PKHD1: variants seen among roughly 807,000 people sequenced by gnomAD.
PKHD1 encodes the protein fibrocystin.
Under a neutral mutation model 412.0 loss-of-function variants are expected in PKHD1, and 291 were observed. The observed-to-expected ratio is 0.71, with a 90% confidence interval of 0.64 to 0.78. The LOEUF (loss-of-function observed/expected upper bound fraction) is 0.78, where lower values mean the gene tolerates loss of function less well. Among genes scored for constraint, PKHD1 ranks in the 30% least tolerant of loss-of-function variants. The pLI is 0.00. For missense variants in PKHD1, 4,825 were observed against 4,950.7 expected, an observed-to-expected ratio of 0.97 and a Z score of 0.76; for synonymous variants, 1,777 against 1,821.5, an observed-to-expected ratio of 0.98 and a Z score of 0.62.
At chr6:51,766,949 T>C (rs558579512) in intron 55 of PKHD1, among the ~76,000 whole-genome samples, 1 of 152,140 alleles carries the variant, frequency 6.6e-6, no homozygotes, top group East Asian at 1.9e-4. Flanking sequence ...TTAAATTACA[T>C]GTTTACTTAA....
At chr6:51,823,987 G>T (rs1225963971) in intron 52 of PKHD1, among the ~76,000 whole-genome samples, 1 of 152,090 alleles carries the variant, frequency 6.6e-6, no homozygotes, top group Admixed American at 6.6e-5. Flanking sequence ...AATTTTAGGG[G>T]TCAACTTAAA....
Position 51,885,868 on chromosome 6 carries a change from TG to T in PKHD1, c.7213del (p.Gln2405ArgfsTer10). On this transcript the variant is annotated frameshift_variant and splice_region_variant, in exon 45 of 67. Transcript: ENST00000371117. LOFTEE classifies it high-confidence loss of function. ...AACAACAACAACAAAAAAGCTTACC[TG>T]GGCACCACCTGCACTTTCCCAAACT... ...FTVWESAGGA[Q>X]IFRSSNLRLK... The T allele has an allele frequency of 6.3e-7, 1 of 1,596,548 alleles. No individual in the cohort carries two copies. Among genetic ancestry groups the T allele is most frequent in the Non-Finnish European group, 8.6e-7 (1 of 1,165,016 alleles).
At chr6:51,870,763 G>A (rs1444832353) in intron 46 of PKHD1, 124 bp from the exon 47 acceptor site, 1 of 734,558 alleles carries the variant, frequency 1.4e-6, no homozygotes, top group South Asian at 1.7e-5. Flanking sequence ...GAAAATATTT[G>A]CCAATCACAC....
At chr6:51,741,858 A>G (rs532414404) in intron 60 of PKHD1, among the ~76,000 whole-genome samples, 13 of 152,364 alleles carry the variant, frequency 8.5e-5, no homozygotes, top group African/African-American at 2.2e-4. Flanking sequence ...CTGTTAGGAT[A>G]AAATATAATT....
At chr6:52,062,766 T>C (rs1263465467) in intron 13 of PKHD1, 106 bp from the exon 14 acceptor site, 4 of 1,382,312 alleles carry the variant, frequency 2.9e-6, no homozygotes, top group Non-Finnish European at 4.1e-6. Context: ...ATGCTACCTG[T>C]AAAGGTAAGT....
chr6:51,616,625 A>G lies in PKHD1; in HGVS notation c.*2456T>C. 1 of 397,696 alleles carries G rather than the reference A, an allele frequency of 2.5e-6. No homozygotes were observed. Among genetic ancestry groups the G allele is most frequent in the Non-Finnish European group, 4.4e-6 (1 of 225,774 alleles). 24.6% of individuals were successfully genotyped at this position (397,696 alleles called of 1,614,324 possible). A position where few individuals can be genotyped will look rare whatever the true frequency, so the allele number is the denominator to read the frequency against. Reference sequence around the variant, plus strand: ...TCCATGCCACATGCTAGAGCCTGGCAAGTTACTGAAGATGTTTATAGCTGC... The same window carrying G: ...TCCATGCCACATGCTAGAGCCTGGCGAGTTACTGAAGATGTTTATAGCTGC... On this transcript the variant is annotated 3_prime_UTR_variant, in exon 67 of 67. Transcript: ENST00000371117.
chr6:51,902,744 C>T (rs1180908594), intron 43 of PKHD1, among the ~76,000 whole-genome samples: 1 of 152,182 alleles, frequency 6.6e-6, no homozygotes, highest in Non-Finnish European at 1.5e-5. Context: ...CTTGCCACTA[C>T]TCTGATGCAC....
At chr6:51,831,037 TC>T in intron 51 of PKHD1, 48 bp from the exon 52 acceptor site, 1 of 1,457,064 alleles carries the variant, frequency 6.9e-7, no homozygotes, top group African/African-American at 1.4e-5. Context: ...TGTGATAACT[TC>T]CAAATTCTAT....
At chr6:51,670,958 T>A (rs1441473325) in intron 60 of PKHD1, among the ~76,000 whole-genome samples, 1 of 151,992 alleles carries the variant, frequency 6.6e-6, no homozygotes, top group Non-Finnish European at 1.5e-5. Flanking sequence ...TAACCAGACC[T>A]TTCTCTCTGG....
chr6:51,804,067 C>T (rs1763335109), intron 52 of PKHD1, among the ~76,000 whole-genome samples: 1 of 151,344 alleles, frequency 6.6e-6, no homozygotes, highest in Non-Finnish European at 1.5e-5. Context: ...TTAGTATTTG[C>T]TTGTGATACC....
chr6:51,914,473 T>C (rs1462999423), intron 37 of PKHD1, among the ~76,000 whole-genome samples: 1 of 152,128 alleles, frequency 6.6e-6, no homozygotes, highest in Non-Finnish European at 1.5e-5. Flanking sequence ...ATAGTAGATA[T>C]TGACATTTAG....
intron 60 of PKHD1, chr6:51,740,060 A>G (rs1479750809): frequency 1.9e-6 from 1 of 517,436 alleles, no homozygotes; most frequent in Non-Finnish European, 3.9e-6. Flanking sequence ...ATGCCTCCAT[A>G]ATCAAAAGAA....
intron 35 of PKHD1, among the ~76,000 whole-genome samples, chr6:51,965,772 C>T (rs1413534453): frequency 6.6e-6 from 1 of 152,070 alleles, no homozygotes; most frequent in Admixed American, 6.6e-5. Context: ...CACACACTTC[C>T]TATCCTCTGC....
intron 60 of PKHD1, among the ~76,000 whole-genome samples, chr6:51,718,458 C>CTA (rs1781519233): frequency 2.0e-5 from 3 of 152,298 alleles, no homozygotes; most frequent in African/African-American, 7.2e-5. Context: ...CTGTCACAGC[C>CTA]TATAAATGTG....
intron 52 of PKHD1, among the ~76,000 whole-genome samples, chr6:51,815,029 G>A (rs1331863084): frequency 6.6e-6 from 1 of 152,154 alleles, no homozygotes; most frequent in African/African-American, 2.4e-5. Flanking sequence ...CAGTTGCTAA[G>A]GTTCTCAGGG....
chr6:51,885,593 T>G, intron 45 of PKHD1, among the ~76,000 whole-genome samples: 1 of 152,296 alleles, frequency 6.6e-6, no homozygotes, highest in Middle Eastern at 3.4e-3. Context: ...TTATAAATCT[T>G]TATGATTCTG....
chr6:51,768,477 T>C (rs1562268704), intron 55 of PKHD1, among the ~76,000 whole-genome samples: 1 of 152,014 alleles, frequency 6.6e-6, no homozygotes, highest in African/African-American at 2.4e-5. Flanking sequence ...ATATTTGCAG[T>C]TGAAATTTTA....
intron 36 of PKHD1, among the ~76,000 whole-genome samples, chr6:51,948,102 C>T (rs1789753002): frequency 6.6e-6 from 1 of 152,146 alleles, no homozygotes; most frequent in South Asian, 2.1e-4. Context: ...TCCACATCTA[C>T]TTCTGGGGTC....
At chr6:51,956,312 G>A (rs1481130787) in intron 36 of PKHD1, among the ~76,000 whole-genome samples, 1 of 132,516 alleles carries the variant, frequency 7.5e-6, no homozygotes, top group Non-Finnish European at 1.5e-5. Flanking sequence ...ATACGTGTGT[G>A]TGTGTGTGTG....
Sources: allele counts gnomAD v4.1 joint callset (sites outside exome capture counted in the v4.1 genomes callset), GRCh38; gene constraint gnomAD v4.1.1; transcripts MANE v1.5; gene names NCBI Gene and HGNC (gene_info 2026-07-23, HGNC 2026-07-21).